Variants in PLCE1 observed in about 807,000 individuals in gnomAD.
PLCE1 encodes the protein phospholipase C epsilon 1.
Under a neutral mutation model 242.8 loss-of-function variants are expected in PLCE1, and 119 were observed. The observed-to-expected ratio is 0.49, with a 90% CI of 0.42 to 0.57. The LOEUF (loss-of-function observed/expected upper bound fraction) is 0.57. Among genes scored for constraint, PLCE1 ranks in the 20% least tolerant of loss-of-function variants. The probability of loss-of-function intolerance (pLI) is 0.00; values close to 1 mark genes in which losing one functional copy is unlikely to be tolerated. For synonymous variants in PLCE1, 945 were observed against 1,017.4 expected, an observed-to-expected ratio of 0.93 and a Z score of 1.35; for missense variants, 2,441 against 2,788.8, an observed-to-expected ratio of 0.88 and a Z score of 2.81.
At chr10:94,204,752 AAGG>A (rs2049097378) in intron 4 of PLCE1, among the ~76,000 whole-genome samples, 1 of 76,824 alleles carries the variant, frequency 1.3e-5, no homozygotes, top group Admixed American at 1.2e-4. Flanking sequence ...GGGAGGGAGG[AAGG>A]AAGGAAGGAA....
At chr10:94,265,746 T>G in intron 15 of PLCE1, 38 bp downstream of exon 15, 1 of 1,612,968 alleles carries the variant, frequency 6.2e-7, no homozygotes, top group Non-Finnish European at 8.5e-7. Flanking sequence ...CTTTTAAGAG[T>G]AGATGCATTT....
intron 1 of PLCE1, among the ~76,000 whole-genome samples, chr10:94,013,483 A>C (rs1277231384): frequency 1.3e-5 from 2 of 152,202 alleles, no homozygotes; most frequent in East Asian, 3.8e-4. Context: ...CCTTCCTACA[A>C]ATCACCTTGT....
intron 4 of PLCE1, among the ~76,000 whole-genome samples, chr10:94,218,953 TAAATATAATTA>T (rs1344876844): frequency 3.4e-5 from 5 of 147,522 alleles, no homozygotes; most frequent in African/African-American, 1.2e-4. Context: ...ATTATATAAT[TAAATATAATTA>T]AAATATAATT....
intron 2 of PLCE1, among the ~76,000 whole-genome samples, chr10:94,103,582 T>C (rs1444428831): frequency 1.3e-5 from 2 of 152,226 alleles, no homozygotes; most frequent in African/African-American, 4.8e-5. Flanking sequence ...CAAACCACCA[T>C]GGCACGTGTG....
rs2137295429 is a variant in PLCE1, at chr10:94,234,233, A to G, written c.2135A>G (p.Glu712Gly). The change falls in exon 6 of 33, where the codon GAG (glutamate) becomes GGG (glycine). Residue 712 changes from glutamate to glycine, a missense_variant. Glu to Gly is a moderately conservative substitution (Grantham distance 98). Transcript: ENST00000371380. The part of the protein sequence containing the change: ...VVPFCGVFLK[E>G]LCEVLDGASG... Reference sequence around the variant, plus strand: ...CCATTCTGTGGGGTGTTTCTGAAGGAGCTCTGTGAAGTGCTTGACGGCGCC... The same window carrying G: ...CCATTCTGTGGGGTGTTTCTGAAGGGGCTCTGTGAAGTGCTTGACGGCGCC... 6.2e-7 allele frequency: 1 copy of G among 1,614,028 alleles called. No homozygotes were observed. Among genetic ancestry groups the G allele is most frequent in the East Asian group, 2.2e-5 (1 of 44,858 alleles).
intron 1 of PLCE1, among the ~76,000 whole-genome samples, chr10:94,022,498 T>C (rs956806374): frequency 1.9e-4 from 29 of 151,914 alleles, no homozygotes; most frequent in Non-Finnish European, 2.9e-5. Flanking sequence ...TGTAAATCCA[T>C]GTAGAGAGAG....
At position 94,262,661 on chromosome 10, in the gene PLCE1, C is replaced by A; in HGVS notation, c.3982C>A (p.Gln1328Lys). ...SLGIFGVGIL[Q>K]LNDFLVNCQG... ...GGGCATTTTTGGGGTGGGCATACTT[C>A]AGCTCAACGATTTCCTCGTGAATTG... Residue 1328 changes from glutamine (Q) to lysine (K), a missense_variant, in exon 14 of 33, where the codon CAG becomes AAG. Transcript: ENST00000371380. 2 of 1,614,100 alleles carry A rather than the reference C, an allele frequency of 1.2e-6. No homozygotes were observed. Among genetic ancestry groups the A allele is most frequent in the East Asian group, 2.2e-5 (1 of 44,866 alleles).
At chr10:94,005,506 T>G (rs1236037358) in intron 1 of PLCE1, among the ~76,000 whole-genome samples, 1 of 152,204 alleles carries the variant, frequency 6.6e-6, no homozygotes, top group Non-Finnish European at 1.5e-5. Flanking sequence ...ATACCTGAAC[T>G]TCTCAGCATC....
chr10:93,995,112 T>C lies in PLCE1; in HGVS notation c.-365+854T>C, dbSNP rs576421455. Among the ~76,000 whole-genome samples, 3 of 152,306 alleles carry C rather than the reference T, an allele frequency of 2.0e-5. No individual in the cohort carries two copies. The South Asian group carries it at 6.2e-4, about 32-fold the overall frequency. On this transcript the variant is annotated intron_variant, in intron 1 of 32. Coordinates refer to ENST00000371380, the MANE Select transcript of PLCE1 (RefSeq NM_016341.4). ...GAATGGGCACTACTGAGGCCAAGAATGCTTGACCCCACTAGGGAGAATTTT... is the reference window on the plus strand; with the variant it reads ...GAATGGGCACTACTGAGGCCAAGAACGCTTGACCCCACTAGGGAGAATTTT...
Position 94,231,791 on chromosome 10 carries a change from A to C in PLCE1, c.1956-2263A>C, listed in dbSNP as rs1474710667. Among the ~76,000 whole-genome samples, 3 of 152,098 alleles carry C rather than the reference A, an allele frequency of 2.0e-5. No individual in the cohort carries two copies. In the East Asian group the frequency reaches 5.8e-4, roughly 29 times the overall value. On this transcript the variant is annotated intron_variant, in intron 5 of 32. Coordinates refer to ENST00000371380, the MANE Select transcript of PLCE1 (RefSeq NM_016341.4). ...CGTGCAACCTAGATCCCTTACATGC[A>C]CAGTTCACAGTAGGGTTTGCGCTGC...
At chr10:94,187,880 C>T (rs184032931) in intron 4 of PLCE1, among the ~76,000 whole-genome samples, 2 of 152,232 alleles carry the variant, frequency 1.3e-5, no homozygotes, top group African/African-American at 4.8e-5. Context: ...GAAAACATGC[C>T]GGACTGGCCC....
At chr10:94,190,961 A>T (rs374686232) in intron 4 of PLCE1, among the ~76,000 whole-genome samples, 70 of 152,300 alleles carry the variant, frequency 4.6e-4, no homozygotes, top group African/African-American at 1.6e-3. Flanking sequence ...TTCAAGGATC[A>T]AGCTTTGGTA....
chr10:94,275,630 G>A (rs1219605089), intron 19 of PLCE1, among the ~76,000 whole-genome samples: 1 of 152,158 alleles, frequency 6.6e-6, no homozygotes, highest in Non-Finnish European at 1.5e-5. Flanking sequence ...GAATCTAGGA[G>A]TTCAAGACAA....
Position 94,332,505 on chromosome 10 carries a change from C to CTGTGTGTGTGTGTGTGTGTG in PLCE1, c.*4586_*4605dup, listed in dbSNP as rs10537252. On this transcript the variant is annotated 3_prime_UTR_variant, in exon 33 of 33. Coordinates refer to ENST00000371380, the MANE Select transcript of PLCE1 (RefSeq NM_016341.4). Reference sequence around the variant, plus strand: ...ATATAGCCTCAGGATATGTGTGTGCCTGTGTGTGTGTGTGTGTGTGTGTGT... The same window carrying CTGTGTGTGTGTGTGTGTGTG: ...ATATAGCCTCAGGATATGTGTGTGCCTGTGTGTGTGTGTGTGTGTGTGTGTGTGTGTGTGTGTGTGTGTGT... 1 of 145,694 alleles carries CTGTGTGTGTGTGTGTGTGTG rather than the reference C, an allele frequency of 6.9e-6. No homozygotes were observed. The highest frequency in any genetic ancestry group is 2.5e-5 in the African/African-American group (1 of 39,478). The allele number at this position is 145,694 out of a possible 1,614,324, so 9.0% of individuals were successfully genotyped here. A position where few individuals can be genotyped will look rare whatever the true frequency, so the allele number is the denominator to read the frequency against.
intron 2 of PLCE1, 51 bp downstream of exon 2, chr10:94,032,303 C>A (rs537956695): frequency 1.8e-5 from 28 of 1,513,744 alleles, no homozygotes; most frequent in South Asian, 4.6e-5. Context: ...CTTTTTTTTT[C>A]AAAAAAAAGT....
At chr10:94,230,207 G>A (rs114447358) in intron 5 of PLCE1, among the ~76,000 whole-genome samples, 3,105 of 152,226 alleles carry the variant, frequency 0.02, 105 homozygotes, top group African/African-American at 0.071. Flanking sequence ...TATTTACTCA[G>A]TCATGGTGTC....
chr10:94,143,787 T>C (rs898628384), intron 3 of PLCE1, among the ~76,000 whole-genome samples: 31 of 152,228 alleles, frequency 2.0e-4, no homozygotes, highest in African/African-American at 7.5e-4. Context: ...TGGAAATATA[T>C]ATTTGGTATT....
intron 2 of PLCE1, chr10:94,100,491 C>A (rs1590020170): frequency 6.6e-6 from 1 of 152,296 alleles, no homozygotes; most frequent in African/African-American, 2.4e-5. Flanking sequence ...CTTTTGCTCC[C>A]CAAATTTTCT....
chr10:94,103,114 G>A (rs1028860180), intron 2 of PLCE1, among the ~76,000 whole-genome samples: 4 of 152,198 alleles, frequency 2.6e-5, no homozygotes, highest in Non-Finnish European at 5.9e-5. Context: ...GACAAGAACA[G>A]CTGTTACTAT....
Sources: gnomAD v4.1 joint callset for allele counts (sites outside exome capture counted in the v4.1 genomes callset) on GRCh38, gnomAD v4.1.1 for gene constraint, MANE v1.5 for transcripts, NCBI Gene and HGNC (gene_info 2026-07-23, HGNC 2026-07-21) for gene names.